Variants in COL26A1 observed in about 807,000 individuals in gnomAD.
The protein encoded by COL26A1 is collagen type XXVI alpha 1 chain.
COL26A1 carries 41 observed loss-of-function variants against 59.3 expected under a neutral mutation model. That is an observed-to-expected ratio of 0.69 (90% CI 0.54 to 0.90). The LOEUF (loss-of-function observed/expected upper bound fraction) is 0.90. Among genes scored for constraint, COL26A1 ranks in the 40% least tolerant of loss-of-function variants. COL26A1 has a pLI of 0.00. For synonymous variants in COL26A1, 266 were observed against 256.0 expected (o/e 1.04, Z -0.37); for missense variants, 612 against 602.3 (o/e 1.02, Z -0.17).
intron 3 of COL26A1, among the ~76,000 whole-genome samples, chr7:101,505,339 C>T (rs533948023): frequency 1.3e-5 from 2 of 151,936 alleles, no homozygotes; most frequent in Non-Finnish European, 2.9e-5. Context: ...TCTGTGTGTG[C>T]ATGGGTGCAT....
intron 3 of COL26A1, among the ~76,000 whole-genome samples, chr7:101,520,484 G>A (rs1474020201): frequency 1.3e-5 from 2 of 152,032 alleles, no homozygotes; most frequent in African/African-American, 2.4e-5. Flanking sequence ...CAGGAGACGC[G>A]ACCACCCTGG....
intron 3 of COL26A1, among the ~76,000 whole-genome samples, chr7:101,461,167 A>G (rs1439709105): frequency 2.0e-5 from 3 of 151,942 alleles, no homozygotes; most frequent in African/African-American, 7.3e-5. Context: ...TTTGTTTTAC[A>G]TTTTGTAGAG....
chr7:101,455,234 G>A (rs2130403702), intron 3 of COL26A1, among the ~76,000 whole-genome samples: 1 of 151,784 alleles, frequency 6.6e-6, no homozygotes, highest in Admixed American at 6.6e-5. Context: ...TGTAGAGACG[G>A]GGTTTCACCA....
intron 3 of COL26A1, among the ~76,000 whole-genome samples, chr7:101,498,011 G>A (rs1232946123): frequency 6.6e-6 from 1 of 152,272 alleles, no homozygotes; most frequent in South Asian, 2.1e-4. Flanking sequence ...GCCAAGTAGT[G>A]GAGGTTGGCT....
intron 1 of COL26A1, among the ~76,000 whole-genome samples, chr7:101,406,401 G>T (rs1792130112): frequency 6.6e-6 from 1 of 152,184 alleles, no homozygotes; most frequent in Non-Finnish European, 1.5e-5. Flanking sequence ...TGTTGAGGCG[G>T]ATGAGTGATG....
chr7:101,398,603 C>T (rs796354329), intron 1 of COL26A1, among the ~76,000 whole-genome samples: 11 of 152,262 alleles, frequency 7.2e-5, no homozygotes, highest in East Asian at 1.9e-4. Context: ...AATGTGTCAG[C>T]GGCTGCTTTT....
At chr7:101,433,111 C>A (rs1792820928) in intron 2 of COL26A1, among the ~76,000 whole-genome samples, 1 of 151,914 alleles carries the variant, frequency 6.6e-6, no homozygotes, top group South Asian at 2.1e-4. Context: ...TCGCTTGAGG[C>A]CAGAAGTTTG....
At chr7:101,480,527 G>T (rs1194514729) in intron 3 of COL26A1, among the ~76,000 whole-genome samples, 2 of 151,992 alleles carry the variant, frequency 1.3e-5, no homozygotes, top group African/African-American at 4.8e-5. Flanking sequence ...TTGAGACAGG[G>T]TGTCACTCTA....
chr7:101,447,249 A>G (rs2130376837), intron 2 of COL26A1, among the ~76,000 whole-genome samples: 1 of 152,350 alleles, frequency 6.6e-6, no homozygotes, highest in East Asian at 1.9e-4. Flanking sequence ...CATAGGCTGC[A>G]TGACCCCGTA....
At chr7:101,500,876 A>T (rs910215693) in intron 3 of COL26A1, among the ~76,000 whole-genome samples, 2 of 151,768 alleles carry the variant, frequency 1.3e-5, no homozygotes, top group Non-Finnish European at 2.9e-5. Context: ...TGATTGTCTA[A>T]ATGAGGTTGT....
At chr7:101,540,145 C>G in intron 5 of COL26A1, 96 bp downstream of exon 5, 2 of 1,255,442 alleles carry the variant, frequency 1.6e-6, no homozygotes, top group Non-Finnish European at 2.2e-6. Flanking sequence ...ACACTAGACA[C>G]TCTAGTTCCA....
intron 1 of COL26A1, among the ~76,000 whole-genome samples, chr7:101,413,995 A>G (rs1015512301): frequency 2.6e-5 from 4 of 152,196 alleles, no homozygotes; most frequent in African/African-American, 9.6e-5. Flanking sequence ...ACCACCAGAC[A>G]GCAGACAGAG....
At chr7:101,515,510 C>G (rs540498397) in intron 3 of COL26A1, among the ~76,000 whole-genome samples, 1 of 151,968 alleles carries the variant, frequency 6.6e-6, no homozygotes, top group Non-Finnish European at 1.5e-5. Flanking sequence ...TCTGGAACTG[C>G]TGGCTTCAAG....
chr7:101,536,445 G>A (rs931811255), intron 4 of COL26A1, among the ~76,000 whole-genome samples: 1 of 152,270 alleles, frequency 6.6e-6, no homozygotes, highest in African/African-American at 2.4e-5. Context: ...GGTCAGGCGA[G>A]TCTGCAGGAG....
intron 1 of COL26A1, among the ~76,000 whole-genome samples, chr7:101,392,050 T>C (rs920256688): frequency 1.3e-5 from 2 of 151,924 alleles, no homozygotes; most frequent in Non-Finnish European, 2.9e-5. Context: ...AGCAGGGCAG[T>C]GTGTGTTCTT....
intron 11 of COL26A1, among the ~76,000 whole-genome samples, chr7:101,553,872 G>A (rs1394607553): frequency 1.3e-5 from 2 of 152,134 alleles, no homozygotes; most frequent in Non-Finnish European, 2.9e-5. Flanking sequence ...AGAGAAGATT[G>A]GAGCAAGCGG....
chr7:101,440,274 G>C (rs965582213), intron 2 of COL26A1, among the ~76,000 whole-genome samples: 6 of 143,866 alleles, frequency 4.2e-5, no homozygotes, highest in African/African-American at 1.5e-4. Context: ...GCTGAGGCAG[G>C]AGAATCGCTT....
chr7:101,533,658 C>T (rs1185736631), intron 4 of COL26A1, among the ~76,000 whole-genome samples: 1 of 152,104 alleles, frequency 6.6e-6, no homozygotes, highest in Non-Finnish European at 1.5e-5. Context: ...CCAGGCAGCA[C>T]TGGGCAGGGA....
chr7:101,555,322 C>T lies in COL26A1; in HGVS notation c.1081-465C>T, dbSNP rs117415872. ...CCTGGCATGGCCACACCTACCCTGC[C>T]CCTTGCCTGCTGTTTGGTGGCGAGC... On this transcript the variant is annotated intron_variant, in intron 11 of 12. Coordinates refer to ENST00000313669, the MANE Select transcript of COL26A1 (RefSeq NM_001278563.3). Among the ~76,000 whole-genome samples, 151 of 152,314 alleles carry T rather than the reference C, an allele frequency of 9.9e-4. 4 individuals are homozygous for T. In the East Asian group the frequency reaches 0.026, roughly 26 times the overall value.
Sources: gnomAD v4.1 joint callset for allele counts (sites outside exome capture counted in the v4.1 genomes callset) on GRCh38, gnomAD v4.1.1 for gene constraint, MANE v1.5 for transcripts, NCBI Gene and HGNC (gene_info 2026-07-23, HGNC 2026-07-21) for gene names.